Variants in ADGRE3 observed in about 807,000 individuals in gnomAD.
ADGRE3 encodes adhesion G protein-coupled receptor E3, also known as EGF-like module receptor 3.
ADGRE3 carries 88 observed loss-of-function variants against 80.1 expected under a neutral mutation model. That is an observed-to-expected ratio of 1.10 (90% CI 0.93 to 1.31). ADGRE3 has a LOEUF of 1.31. ADGRE3 is among the 40% of genes most tolerant of loss of function. The probability of loss-of-function intolerance (pLI) is 0.00; values close to 1 mark genes in which losing one functional copy is unlikely to be tolerated. For missense variants in ADGRE3, 715 were observed against 776.5 expected (o/e 0.92, Z 0.94); for synonymous variants, 281 against 294.8 (o/e 0.95, Z 0.48).
intron 14 of ADGRE3, among the ~76,000 whole-genome samples, chr19:14,629,186 A>C (rs1970812229): frequency 6.6e-6 from 1 of 152,162 alleles, no homozygotes; most frequent in Non-Finnish European, 1.5e-5. Flanking sequence ...GGCCTCCCAA[A>C]GTGCTGGGAT....
intron 13 of ADGRE3, among the ~76,000 whole-genome samples, chr19:14,631,871 A>G (rs556132181): frequency 6.6e-6 from 1 of 152,252 alleles, no homozygotes; most frequent in Non-Finnish European, 1.5e-5. Context: ...CTTCCTGGGA[A>G]GTGGAAGTAG....
At chr19:14,648,182 ATAATC>A (rs1268212441) in intron 7 of ADGRE3, among the ~76,000 whole-genome samples, 2 of 152,054 alleles carry the variant, frequency 1.3e-5, no homozygotes, top group Non-Finnish European at 2.9e-5. Context: ...ACAATGAATA[ATAATC>A]TATTTCTTCC....
intron 14 of ADGRE3, 45 bp from the exon 15 acceptor site, chr19:14,625,644 G>C: frequency 8.3e-7 from 1 of 1,207,960 alleles, no homozygotes; most frequent in Non-Finnish European, 1.2e-6. Context: ...GCTAACATTG[G>C]TGAACAGCAG....
chr19:14,617,694 G>A (rs771141396), downstream of ADGRE3, among the ~76,000 whole-genome samples: 3 of 151,858 alleles, frequency 2.0e-5, no homozygotes, highest in Admixed American at 6.6e-5. Context: ...CACTGCACCC[G>A]GCCATGTCCT....
intron 11 of ADGRE3, among the ~76,000 whole-genome samples, chr19:14,635,869 A>C (rs1971022542): frequency 6.6e-6 from 1 of 152,168 alleles, no homozygotes; most frequent in Non-Finnish European, 1.5e-5. Context: ...TGTGTAATAC[A>C]GATCTAGTGA....
downstream of ADGRE3, among the ~76,000 whole-genome samples, chr19:14,614,141 C>A (rs1249343266): frequency 6.6e-6 from 1 of 152,188 alleles, no homozygotes; most frequent in East Asian, 1.9e-4. Flanking sequence ...GCATCACTAC[C>A]AAAGCCAGCT....
intron 7 of ADGRE3, among the ~76,000 whole-genome samples, chr19:14,647,654 G>A (rs551214316): frequency 2.0e-4 from 30 of 151,568 alleles, no homozygotes; most frequent in Non-Finnish European, 2.4e-4. Context: ...CTGACCTCAG[G>A]TGATCCACAT....
chr19:14,602,824 C>A, the ADGRE3 span, among the ~76,000 whole-genome samples: 2 of 152,038 alleles, frequency 1.3e-5, no homozygotes, highest in Admixed American at 6.6e-5. Context: ...CAACCTCTGC[C>A]TCCCGAGTTC....
intron 8 of ADGRE3, 105 bp downstream of exon 8, chr19:14,647,076 C>T (rs923812416): frequency 1.1e-4 from 91 of 827,294 alleles, no homozygotes; most frequent in Non-Finnish European, 1.3e-4. Context: ...CTCCTGACTA[C>T]GACCCTGAAC....
intron 14 of ADGRE3, 29 bp from the exon 15 acceptor site, chr19:14,625,628 G>A: frequency 6.9e-7 from 1 of 1,458,374 alleles, no homozygotes; most frequent in Middle Eastern, 1.7e-4. Context: ...TACCTGGATG[G>A]GTTTTGCTAA....
At chr19:14,633,566 G>C (rs376066741) in intron 11 of ADGRE3, among the ~76,000 whole-genome samples, 2 of 151,758 alleles carry the variant, frequency 1.3e-5, no homozygotes, top group African/African-American at 4.8e-5. Flanking sequence ...TTAGCTGGGC[G>C]TGGTGGCGGG....
chr19:14,609,905 G>A, the ADGRE3 span, among the ~76,000 whole-genome samples: 1 of 152,096 alleles, frequency 6.6e-6, no homozygotes, highest in Non-Finnish European at 1.5e-5. Flanking sequence ...AGGCACGGTG[G>A]CTCACTGTGC....
Position 14,662,126 on chromosome 19 carries a change from A to G in ADGRE3, c.200-8T>C, listed in dbSNP as rs756748071. The G allele has an allele frequency of 3.1e-6, 5 of 1,613,664 alleles. No homozygotes were observed. In the South Asian group the frequency reaches 3.3e-5, roughly 11 times the overall value. On this transcript the variant is annotated splice_region_variant and splice_polypyrimidine_tract_variant and intron_variant, in intron 3 of 15. Transcript: ENST00000253673. ...GTGTACATTCATTAATGTCTGGAACACAAAGAAGCAATTGGGTCATTCATT... is the reference window on the plus strand; with the variant it reads ...GTGTACATTCATTAATGTCTGGAACGCAAAGAAGCAATTGGGTCATTCATT...
chr19:14,647,153 A>C (rs1428097050), intron 8 of ADGRE3, 28 bp downstream of exon 8: 3 of 1,603,044 alleles, frequency 1.9e-6, no homozygotes, highest in Non-Finnish European at 1.7e-6. Context: ...TTGAGAACCC[A>C]CAAGCTCAAA....
intron 5 of ADGRE3, among the ~76,000 whole-genome samples, chr19:14,658,243 A>G (rs1483685907): frequency 2.0e-5 from 3 of 151,580 alleles, no homozygotes; most frequent in Non-Finnish European, 4.4e-5. Flanking sequence ...CTATCTATAG[A>G]TATATGTATA....
Position 14,668,801 on chromosome 19 carries a change from C to G in ADGRE3, c.76+1G>C. 6.2e-7 allele frequency: 1 copy of G among 1,613,954 alleles called. No individual in the cohort carries two copies. The highest frequency in any genetic ancestry group is 1.1e-5 in the South Asian group (1 of 91,072). On this transcript the variant is annotated splice_donor_variant, in intron 2 of 15. Transcript: ENST00000253673. LOFTEE classifies it high-confidence loss of function. ...TCTCTGTTCTGGCTCTGAGCACTCA[C>G]TTTTGGTTTTCTGAGTCACAGCTCC...
intron 5 of ADGRE3, among the ~76,000 whole-genome samples, chr19:14,656,521 T>C (rs1971770113): frequency 6.6e-6 from 1 of 152,082 alleles, no homozygotes; most frequent in African/African-American, 2.4e-5. Context: ...CTGAATTATG[T>C]AGGGCCCACA....
chr19:14,642,413 C>T (rs367609021), intron 9 of ADGRE3, among the ~76,000 whole-genome samples: 1 of 152,052 alleles, frequency 6.6e-6, no homozygotes, highest in Non-Finnish European at 1.5e-5. Context: ...GATCAGAGAG[C>T]TCATACTAAT....
At chr19:14,620,550 A>AATATATATATAT (rs1568471512) in intron 15 of ADGRE3, among the ~76,000 whole-genome samples, 2 of 18,986 alleles carry the variant, frequency 1.1e-4, no homozygotes, top group Non-Finnish European at 1.8e-4. Context: ...TATATATATT[A>AATATATATATAT]TATATATATA....
Sources: allele counts gnomAD v4.1 joint callset (sites outside exome capture counted in the v4.1 genomes callset), GRCh38; gene constraint gnomAD v4.1.1; transcripts MANE v1.5; gene names NCBI Gene and HGNC (gene_info 2026-07-23, HGNC 2026-07-21).